The following SPACDR variants were observed in gnomAD, a reference collection of about 807,000 sequenced individuals.
SPACDR encodes the protein sperm acrosome developmental regulator.
At chr7:100,460,907 A>T in the SPACDR span, among the ~76,000 whole-genome samples, 1 of 151,822 alleles carries the variant, frequency 6.6e-6, no homozygotes, top group Admixed American at 6.6e-5. Flanking sequence ...GAGCTTTCAA[A>T]ATCAACATTT....
chr7:100,463,483 G>C, the SPACDR span: 4 of 1,613,832 alleles, frequency 2.5e-6, no homozygotes, highest in East Asian at 4.5e-5. Context: ...GCTCCACCTC[G>C]GTCTCCTCTG....
At chr7:100,459,082 C>A in the SPACDR span, among the ~76,000 whole-genome samples, 3 of 148,340 alleles carry the variant, frequency 2.0e-5, no homozygotes, top group African/African-American at 5.0e-5. Context: ...TGGCTCACTG[C>A]AAGCTCCGCC....
chr7:100,456,864 C>T, the SPACDR span: 10 of 1,613,374 alleles, frequency 6.2e-6, no homozygotes, highest in African/African-American at 1.3e-5. Flanking sequence ...GTACAGCCGG[C>T]GCAGGTGTTT....
the SPACDR span, among the ~76,000 whole-genome samples, chr7:100,460,771 G>A: frequency 1.3e-5 from 2 of 151,750 alleles, no homozygotes; most frequent in Non-Finnish European, 2.9e-5. Flanking sequence ...AGCCTCCCAA[G>A]TAGCTGGGAC....
the SPACDR span, among the ~76,000 whole-genome samples, chr7:100,462,502 C>T: frequency 0.058 from 8,699 of 148,974 alleles, 344 homozygotes; most frequent in Middle Eastern, 0.096. Context: ...CGTAAGCCAC[C>T]GTGCCCGGCC....
the SPACDR span, among the ~76,000 whole-genome samples, chr7:100,457,635 T>C: frequency 3.4e-5 from 5 of 145,028 alleles, no homozygotes; most frequent in African/African-American, 1.3e-4. Flanking sequence ...TTTTTTTTTT[T>C]TTTGAGACAA....
chr7:100,462,296 C>T, the SPACDR span, among the ~76,000 whole-genome samples: 3 of 151,828 alleles, frequency 2.0e-5, no homozygotes, highest in Non-Finnish European at 4.4e-5. Context: ...TCACTGCAAG[C>T]TCCGCCTCCC....
chr7:100,458,830 G>A, the SPACDR span, among the ~76,000 whole-genome samples: 1 of 152,018 alleles, frequency 6.6e-6, no homozygotes, highest in Non-Finnish European at 1.5e-5. Context: ...GGGAGGCTGA[G>A]GCAGGAGAAT....
the SPACDR span, among the ~76,000 whole-genome samples, chr7:100,460,114 C>A: frequency 1.3e-5 from 2 of 151,938 alleles, no homozygotes; most frequent in Non-Finnish European, 2.9e-5. Context: ...TGGTCTTGAT[C>A]TCCTGACCTT....
the SPACDR span, among the ~76,000 whole-genome samples, chr7:100,462,457 C>T: frequency 6.6e-6 from 1 of 151,820 alleles, no homozygotes; most frequent in African/African-American, 2.4e-5. Flanking sequence ...TCGTGATCAG[C>T]CTGCCTCGGC....
chr7:100,460,890 T>G, the SPACDR span, among the ~76,000 whole-genome samples: 2 of 151,896 alleles, frequency 1.3e-5, no homozygotes, highest in South Asian at 4.2e-4. Flanking sequence ...CAAATATGAG[T>G]GCAGGTGAGC....
the SPACDR span, chr7:100,463,995 C>A: frequency 6.2e-7 from 1 of 1,608,544 alleles, no homozygotes; most frequent in Middle Eastern, 1.6e-4. Flanking sequence ...GCCCGTCTAA[C>A]CCATCGGAAG....
At chr7:100,463,770 G>GGGA in the SPACDR span, 1 of 1,338,596 alleles carries the variant, frequency 7.5e-7, no homozygotes, top group South Asian at 1.2e-5. Flanking sequence ...AGGCACAAAA[G>GGGA]GGATGGAGCA....
the SPACDR span, among the ~76,000 whole-genome samples, chr7:100,460,116 C>T: frequency 2.6e-5 from 4 of 151,648 alleles, no homozygotes; most frequent in African/African-American, 9.7e-5. Flanking sequence ...GTCTTGATCT[C>T]CTGACCTTGT....
the SPACDR span, chr7:100,463,840 C>A: frequency 7.6e-7 from 1 of 1,312,930 alleles, no homozygotes; most frequent in Admixed American, 1.9e-5. Context: ...CCTTTCCTTC[C>A]TCCCCACTCC....
chr7:100,457,410 C>T, the SPACDR span, among the ~76,000 whole-genome samples: 1 of 151,814 alleles, frequency 6.6e-6, no homozygotes. Flanking sequence ...CCTCCACCTC[C>T]TGGGTTTAAG....
chr7:100,457,020 A>C, the SPACDR span: 1 of 1,517,716 alleles, frequency 6.6e-7, no homozygotes, highest in East Asian at 2.3e-5. Flanking sequence ...ATGCGTAAAT[A>C]GCTGGGTCTA....
chr7:100,457,855 A>ATTT, the SPACDR span, among the ~76,000 whole-genome samples: 95 of 68,016 alleles, frequency 1.4e-3, 4 homozygotes, highest in African/African-American at 5.2e-3. Flanking sequence ...ATATATATAT[A>ATTT]TATTTTTTTT....
the SPACDR span, among the ~76,000 whole-genome samples, chr7:100,462,784 A>G: frequency 6.7e-6 from 1 of 148,282 alleles, no homozygotes; most frequent in Non-Finnish European, 1.5e-5. Flanking sequence ...AAGTGCTGGG[A>G]CTATAGGCAT....
Sources: gnomAD v4.1 joint callset for allele counts (sites outside exome capture counted in the v4.1 genomes callset) on GRCh38, gnomAD v4.1.1 for gene constraint, MANE v1.5 for transcripts, NCBI Gene and HGNC (gene_info 2026-07-23, HGNC 2026-07-21) for gene names.